Variants in WWOX observed in about 807,000 individuals in gnomAD.
WWOX encodes the protein WW domain-containing oxidoreductase.
WWOX carries 69 observed loss-of-function variants against 46.2 expected under a neutral mutation model. The ratio of observed to expected loss-of-function variants is 1.49; its 90% CI spans 1.23 to 1.82. The LOEUF is 1.82. WWOX is among the 40% of genes most tolerant of loss of function. WWOX has a pLI of 0.00. For synonymous variants in WWOX, 359 were observed against 202.6 expected (o/e 1.77, Z -6.56); for missense variants, 919 against 542.6 (o/e 1.69, Z -6.89).
At chr16:78,541,761 A>G (rs1409155676) in intron 8 of WWOX, among the ~76,000 whole-genome samples, 2 of 152,044 alleles carry the variant, frequency 1.3e-5, no homozygotes, top group African/African-American at 2.4e-5. Context: ...TCCCAGGGTT[A>G]TATGTCAATG....
intron 8 of WWOX, among the ~76,000 whole-genome samples, chr16:78,956,743 A>G (rs547300888): frequency 3.0e-4 from 46 of 152,292 alleles, no homozygotes; most frequent in Admixed American, 2.6e-3. Flanking sequence ...GTGTGCCACA[A>G]ACAAGAAATT....
chr16:79,148,548 C>T (rs1286378855), intron 8 of WWOX, among the ~76,000 whole-genome samples: 2 of 152,048 alleles, frequency 1.3e-5, no homozygotes, highest in Non-Finnish European at 2.9e-5. Flanking sequence ...CTTCCTAAGA[C>T]CTGTGCTTTT....
chr16:79,191,248 G>A (rs968668718), intron 8 of WWOX, among the ~76,000 whole-genome samples: 1 of 151,750 alleles, frequency 6.6e-6, no homozygotes, highest in African/African-American at 2.4e-5. Context: ...CAGAGACAGG[G>A]TTTCACCGTG....
chr16:78,660,924 A>G (rs866434792), intron 8 of WWOX, among the ~76,000 whole-genome samples: 1 of 152,294 alleles, frequency 6.6e-6, no homozygotes, highest in Middle Eastern at 3.4e-3. Context: ...CAACCTCCTA[A>G]TACTGCATGA....
chr16:78,686,277 C>T (rs1283535163), intron 8 of WWOX, among the ~76,000 whole-genome samples: 2 of 151,976 alleles, frequency 1.3e-5, no homozygotes, highest in African/African-American at 2.4e-5. Context: ...TTTGGGAGGC[C>T]GAGGCGGGCG....
At chr16:79,007,387 C>G (rs2047211524) in intron 8 of WWOX, among the ~76,000 whole-genome samples, 1 of 152,168 alleles carries the variant, frequency 6.6e-6, no homozygotes, top group Non-Finnish European at 1.5e-5. Context: ...GAATGGCAAA[C>G]ACAGTGGCCC....
intron 8 of WWOX, among the ~76,000 whole-genome samples, chr16:78,548,406 C>G (rs531601262): frequency 6.6e-6 from 1 of 152,032 alleles, no homozygotes; most frequent in South Asian, 2.1e-4. Context: ...TCCGAATTTT[C>G]TAAGTGATGA....
intron 8 of WWOX, among the ~76,000 whole-genome samples, chr16:78,443,706 T>A (rs1027734115): frequency 6.6e-6 from 1 of 152,226 alleles, no homozygotes; most frequent in Non-Finnish European, 1.5e-5. Context: ...AGTTTTATCT[T>A]CCCGGTTTCC....
intron 8 of WWOX, among the ~76,000 whole-genome samples, chr16:78,913,004 C>T (rs2045151918): frequency 6.6e-6 from 1 of 152,002 alleles, no homozygotes; most frequent in Admixed American, 6.6e-5. Context: ...ATTAGCCTTC[C>T]ATCTCTCGAG....
intron 8 of WWOX, among the ~76,000 whole-genome samples, chr16:78,730,491 G>C (rs950444355): frequency 2.0e-5 from 3 of 151,938 alleles, no homozygotes; most frequent in African/African-American, 7.3e-5. Context: ...ACAGAGTCTT[G>C]CTCAGGCTGG....
At chr16:78,928,016 C>G (rs1470062341) in intron 8 of WWOX, among the ~76,000 whole-genome samples, 1 of 151,962 alleles carries the variant, frequency 6.6e-6, no homozygotes, top group Non-Finnish European at 1.5e-5. Context: ...TATATGAAGT[C>G]TTGCTAGAAT....
chr16:78,466,784 G>T (rs960583704), intron 8 of WWOX, among the ~76,000 whole-genome samples: 3 of 152,106 alleles, frequency 2.0e-5, no homozygotes, highest in Admixed American at 6.5e-5. Flanking sequence ...AGAGGCAGAG[G>T]TTGCAGTGAG....
chr16:78,678,414 A>G (rs1470023375), intron 8 of WWOX, among the ~76,000 whole-genome samples: 1 of 152,182 alleles, frequency 6.6e-6, no homozygotes, highest in Non-Finnish European at 1.5e-5. Context: ...AAATGAATGA[A>G]TGGATTATTT....
At chr16:78,947,969 G>A (rs1421295455) in intron 8 of WWOX, among the ~76,000 whole-genome samples, 2 of 152,190 alleles carry the variant, frequency 1.3e-5, no homozygotes, top group African/African-American at 2.4e-5. Flanking sequence ...TAGATGTGAG[G>A]TCCAAGGACA....
chr16:78,802,292 G>T (rs2050911529), intron 8 of WWOX, among the ~76,000 whole-genome samples: 1 of 139,488 alleles, frequency 7.2e-6, no homozygotes, highest in Non-Finnish European at 1.5e-5. Flanking sequence ...TTTAACGGGT[G>T]TTTCATTTTC....
Position 78,338,364 on chromosome 16 carries a change from G to T in WWOX, c.517-48496G>T, listed in dbSNP as rs542843654. 5.3e-4 allele frequency among the ~76,000 whole-genome samples: 64 copies of T among 121,292 alleles called. 8 individuals carry two copies. Among genetic ancestry groups the T allele is most frequent in the African/African-American group, 1.6e-3 (57 of 35,808 alleles). 79.6% of individuals were successfully genotyped at this position (121,292 alleles called of 152,430 possible). On this transcript the variant is annotated intron_variant, in intron 5 of 8. Transcript: ENST00000566780. The stretch of plus-strand genomic sequence containing the variant: ...ATGTGAAGTCTGTAGAGACAAAATT[G>T]TTGTTTTCCCCAGTTGTAAAGTGTG...
chr16:78,538,352 T>C (rs903673211), intron 8 of WWOX, among the ~76,000 whole-genome samples: 1 of 151,636 alleles, frequency 6.6e-6, no homozygotes, highest in African/African-American at 2.4e-5. Context: ...CAGCGCTCTA[T>C]ACATTGACGT....
intron 5 of WWOX, among the ~76,000 whole-genome samples, chr16:78,385,403 G>C (rs1036472273): frequency 2.0e-5 from 3 of 152,192 alleles, no homozygotes; most frequent in Non-Finnish European, 2.9e-5. Flanking sequence ...CTTCCAGACA[G>C]GATGTTAGGA....
chr16:78,375,816 A>T (rs1026435099), intron 5 of WWOX, among the ~76,000 whole-genome samples: 2 of 152,042 alleles, frequency 1.3e-5, no homozygotes, highest in African/African-American at 4.8e-5. Context: ...AACATAAAAT[A>T]ATATTACCGG....
Sources: gnomAD v4.1 joint callset for allele counts (sites outside exome capture counted in the v4.1 genomes callset) on GRCh38, gnomAD v4.1.1 for gene constraint, MANE v1.5 for transcripts, NCBI Gene and HGNC (gene_info 2026-07-23, HGNC 2026-07-21) for gene names.